KCNJ3: variants seen among roughly 807,000 people sequenced by gnomAD.
KCNJ3 encodes the protein potassium inwardly rectifying channel subfamily J member 3.
KCNJ3 carries 4 observed loss-of-function variants against 39.2 expected under a neutral mutation model. That is an observed-to-expected ratio of 0.10 (90% CI 0.05 to 0.23). KCNJ3 has a LOEUF of 0.23. Ranked by LOEUF, KCNJ3 falls within the 10% of genes least tolerant of loss-of-function variation. The probability of loss-of-function intolerance (pLI) is 1.00; values close to 1 mark genes in which losing one functional copy is unlikely to be tolerated. For synonymous variants in KCNJ3, 230 were observed against 237.4 expected, an observed-to-expected ratio of 0.97 and a Z score of 0.29; for missense variants, 276 against 634.9, an observed-to-expected ratio of 0.43 and a Z score of 6.08.
chr2:154,770,993 T>C (rs1395873123), intron 2 of KCNJ3, among the ~76,000 whole-genome samples: 2 of 150,438 alleles, frequency 1.3e-5, no homozygotes, highest in South Asian at 2.1e-4. Context: ...CAGGTTCAAG[T>C]GACTCTCCTG....
At chr2:154,764,263 C>T (rs1161261990) in intron 2 of KCNJ3, among the ~76,000 whole-genome samples, 1 of 152,092 alleles carries the variant, frequency 6.6e-6, no homozygotes, top group African/African-American at 2.4e-5. Flanking sequence ...TTAGAATGCC[C>T]TCCTCTCTTT....
chr2:154,813,422 G>T (rs1385297208), intron 2 of KCNJ3, among the ~76,000 whole-genome samples: 1 of 152,038 alleles, frequency 6.6e-6, no homozygotes, highest in Non-Finnish European at 1.5e-5. Flanking sequence ...GGATCAAAGT[G>T]GCCTTTCCAT....
intron 2 of KCNJ3, among the ~76,000 whole-genome samples, chr2:154,836,782 A>G (rs1302140589): frequency 2.0e-5 from 3 of 152,218 alleles, no homozygotes; most frequent in Admixed American, 6.5e-5. Flanking sequence ...ACTGCAAAGC[A>G]TAGAACCAGA....
intron 2 of KCNJ3, among the ~76,000 whole-genome samples, chr2:154,725,270 A>T (rs1685333818): frequency 6.7e-6 from 1 of 149,914 alleles, no homozygotes; most frequent in African/African-American, 2.4e-5. Context: ...TTCTATAGAC[A>T]CGTCCTCTAC....
intron 2 of KCNJ3, among the ~76,000 whole-genome samples, chr2:154,724,121 A>G (rs931542639): frequency 1.3e-5 from 2 of 152,158 alleles, no homozygotes; most frequent in East Asian, 1.9e-4. Context: ...GAAACTTGAT[A>G]TATGTTAAAT....
intron 2 of KCNJ3, among the ~76,000 whole-genome samples, chr2:154,731,396 A>G (rs1005956672): frequency 6.6e-5 from 10 of 152,204 alleles, no homozygotes; most frequent in Middle Eastern, 3.4e-3. Context: ...TTAGTTTTGT[A>G]TCATTTTTAC....
At chr2:154,853,522 A>G (rs1443669985) in intron 2 of KCNJ3, among the ~76,000 whole-genome samples, 1 of 152,084 alleles carries the variant, frequency 6.6e-6, no homozygotes, top group Non-Finnish European at 1.5e-5. Context: ...ACTTATTTAA[A>G]TTACACTTAA....
chr2:154,804,071 A>G (rs1194042977), intron 2 of KCNJ3, among the ~76,000 whole-genome samples: 1 of 152,118 alleles, frequency 6.6e-6, no homozygotes, highest in Non-Finnish European at 1.5e-5. Flanking sequence ...CAAAATTTGG[A>G]GTCCTAAAAT....
Position 154,794,207 on chromosome 2 carries a change from A to G in KCNJ3, c.920-60520A>G, listed in dbSNP as rs1686683769. On this transcript the variant is annotated intron_variant, in intron 2 of 2. Transcript: ENST00000295101. The stretch of plus-strand genomic sequence containing the variant: ...CTGGTCAGATAAAGTTGTTTTTGCC[A>G]GATAAAAAGTGACATGTATTTTCTT... Among the ~76,000 whole-genome samples the G allele has an allele frequency of 2.0e-5, 3 of 152,092 alleles. No homozygotes were observed. The South Asian group carries it at 6.2e-4, about 32-fold the overall frequency.
chr2:154,834,158 G>A (rs1221481281), intron 2 of KCNJ3, among the ~76,000 whole-genome samples: 1 of 152,150 alleles, frequency 6.6e-6, no homozygotes, highest in Non-Finnish European at 1.5e-5. Context: ...ATTCCCATGA[G>A]CAATGAATGA....
chr2:154,828,958 G>A (rs1687315451), intron 2 of KCNJ3, among the ~76,000 whole-genome samples: 1 of 152,002 alleles, frequency 6.6e-6, no homozygotes. Context: ...TTTATATAAT[G>A]TTTACATCTG....
At chr2:154,735,791 T>A (rs1417822877) in intron 2 of KCNJ3, among the ~76,000 whole-genome samples, 1 of 152,164 alleles carries the variant, frequency 6.6e-6, no homozygotes, top group Non-Finnish European at 1.5e-5. Flanking sequence ...ATATTCCACA[T>A]TTTTGAAGAA....
At chr2:154,763,705 A>T (rs1289165620) in intron 2 of KCNJ3, among the ~76,000 whole-genome samples, 2 of 152,152 alleles carry the variant, frequency 1.3e-5, no homozygotes, top group Non-Finnish European at 2.9e-5. Flanking sequence ...ATAGTGAGAG[A>T]TGCTGAGAAT....
At chr2:154,757,258 T>G (rs973730457) in intron 2 of KCNJ3, among the ~76,000 whole-genome samples, 2 of 152,060 alleles carry the variant, frequency 1.3e-5, no homozygotes, top group African/African-American at 4.8e-5. Flanking sequence ...GATGAGCAAC[T>G]AAGGAAAGCT....
At chr2:154,764,540 G>T (rs982724880) in intron 2 of KCNJ3, among the ~76,000 whole-genome samples, 3 of 152,036 alleles carry the variant, frequency 2.0e-5, no homozygotes, top group Admixed American at 1.3e-4. Flanking sequence ...TCACTTTTTT[G>T]ATTACATCTT....
intron 2 of KCNJ3, among the ~76,000 whole-genome samples, chr2:154,727,822 C>T (rs1443919638): frequency 6.6e-6 from 1 of 151,374 alleles, no homozygotes; most frequent in East Asian, 1.9e-4. Flanking sequence ...AGAAAAAATG[C>T]TAGGTTAGAA....
At chr2:154,838,370 T>A (rs762739650) in intron 2 of KCNJ3, among the ~76,000 whole-genome samples, 1 of 152,122 alleles carries the variant, frequency 6.6e-6, no homozygotes, top group Non-Finnish European at 1.5e-5. Context: ...AGGACCTGAG[T>A]GTGTATTTTG....
intron 2 of KCNJ3, among the ~76,000 whole-genome samples, chr2:154,713,598 C>T (rs1285951608): frequency 6.6e-6 from 1 of 152,194 alleles, no homozygotes; most frequent in African/African-American, 2.4e-5. Flanking sequence ...CCTCATTGAT[C>T]AGACACAGGT....
At chr2:154,811,241 G>A (rs1306417326) in intron 2 of KCNJ3, among the ~76,000 whole-genome samples, 3 of 152,118 alleles carry the variant, frequency 2.0e-5, no homozygotes, top group African/African-American at 7.2e-5. Flanking sequence ...CCGGAAGAGG[G>A]CTAGGAGACG....
Sources: allele counts gnomAD v4.1 joint callset (sites outside exome capture counted in the v4.1 genomes callset), GRCh38; gene constraint gnomAD v4.1.1; transcripts MANE v1.5; gene names NCBI Gene and HGNC (gene_info 2026-07-23, HGNC 2026-07-21).